FZD1: variants seen among roughly 807,000 people sequenced by gnomAD.
FZD1 encodes the protein frizzled-1.
In FZD1, 22 loss-of-function variants were observed where a neutral mutation model predicts 48.0. That is an observed-to-expected ratio of 0.46 (90% CI 0.33 to 0.65). The LOEUF (loss-of-function observed/expected upper bound fraction) is 0.65, where lower values mean the gene tolerates loss of function less well. FZD1 is among the 30% of genes least tolerant of loss of function. The pLI is 0.02. For synonymous variants in FZD1, 486 were observed against 409.6 expected (o/e 1.19, Z -2.25); for missense variants, 843 against 898.1 (o/e 0.94, Z 0.78).
At position 91,271,195 on chromosome 7, in the gene FZD1, A is replaced by T. The variant is rs1011529029; in HGVS notation, c.*4371A>T. On this transcript the variant is annotated 3_prime_UTR_variant, in exon 1 of 1. Coordinates refer to ENST00000287934, the MANE Select transcript of FZD1 (RefSeq NM_003505.2). ...ATCAATTATGTCTCAGAGTTCCCTTAAACTTTTTGGGCTTAAATATTTTTA... is the reference window on the plus strand; with the variant it reads ...ATCAATTATGTCTCAGAGTTCCCTTTAACTTTTTGGGCTTAAATATTTTTA... 1 of 167,088 alleles carries T rather than the reference A, an allele frequency of 6.0e-6. No homozygotes were observed. The highest frequency in any genetic ancestry group is 1.5e-5 in the Non-Finnish European group (1 of 68,120). The allele number at this position is 167,088 out of a possible 1,614,324, so 10.4% of individuals were successfully genotyped here. A position where few individuals can be genotyped will look rare whatever the true frequency, so the allele number is the denominator to read the frequency against.
At position 91,264,552 on chromosome 7, in the gene FZD1, C is replaced by T. The variant is rs1803833147; in HGVS notation, c.-329C>T. 2 of 352,984 alleles carry T rather than the reference C, an allele frequency of 5.7e-6. No individual in the cohort carries two copies. Among genetic ancestry groups the T allele is most frequent in the Non-Finnish European group, 1.0e-5 (2 of 196,142 alleles). 21.9% of individuals were successfully genotyped at this position (352,984 alleles called of 1,614,324 possible). On this transcript the variant is annotated 5_prime_UTR_variant, in exon 1 of 1. Coordinates refer to ENST00000287934, the MANE Select transcript of FZD1 (RefSeq NM_003505.2). ...GGGGGGAGCCGAGCCCGCTGGGCTGCGGAGAGTTGCGCTCTCTACGGGGCC... is the reference window on the plus strand; with the variant it reads ...GGGGGGAGCCGAGCCCGCTGGGCTGTGGAGAGTTGCGCTCTCTACGGGGCC...
In FZD1 at chr7:91,266,186, G is replaced by A. The variant is rs1323741534; in HGVS notation, c.1306G>A (p.Gly436Ser). 18 of 1,614,042 alleles carry A rather than the reference G, an allele frequency of 1.1e-5. No homozygotes were observed. Among genetic ancestry groups the A allele is most frequent in the Middle Eastern group, 1.6e-4 (1 of 6,084 alleles). ...TWFLAAGMKW[G>S]HEAIEANSQY... ...GTTCCTGGCGGCTGGCATGAAGTGG[G>A]GCCACGAGGCCATCGAAGCCAACTC... is the stretch of plus-strand genomic sequence containing the variant. Residue 436 changes from glycine to serine, a missense_variant, in exon 1 of 1, where the codon GGC (glycine) becomes AGC (serine). Around this residue, in one of 2 missense-constraint regions of FZD1, gnomAD observed 353 missense variants for 431.6 expected, o/e 0.82. Transcript: ENST00000287934. This position sits in a 1 kb window ranked among gnomAD's most constrained non-coding sequence, Gnocchi z 6.8.
At position 91,266,375 on chromosome 7, in the gene FZD1, C is replaced by T. The variant is rs1803880907; in HGVS notation, c.1495C>T (p.Leu499=). 2 of 1,614,172 alleles carry T rather than the reference C, an allele frequency of 1.2e-6. No individual in the cohort carries two copies. Among genetic ancestry groups the T allele is most frequent in the Non-Finnish European group, 8.5e-7 (1 of 1,180,032 alleles). ...CGTGCTGGCGCCCCTCTTCGTGTAC[C>T]TGTTTATCGGCACGTCCTTTCTGCT... ...GFVLAPLFVY[L]FIGTSFLLAG... is the part of the protein sequence containing the mutation. Residue 499 remains leucine (L), a synonymous_variant, in exon 1 of 1, where the codon CTG becomes TTG. Transcript: ENST00000287934. This position sits in a 1 kb window ranked among gnomAD's most constrained non-coding sequence, Gnocchi z 6.8.
rs778137101 is a variant in FZD1 at position 91,266,031 on chromosome 7, A to T, written c.1151A>T (p.Lys384Met). The T allele has an allele frequency of 6.2e-7, 1 of 1,614,176 alleles. No individual in the cohort carries two copies. Among genetic ancestry groups the T allele is most frequent in the South Asian group, 1.1e-5 (1 of 91,088 alleles). The change falls in exon 1 of 1, where the codon AAG (lysine) becomes ATG (methionine). Residue 384 changes from lysine (K) to methionine (M), a missense_variant. Lys to Met is a moderately conservative substitution (Grantham distance 95). Coordinates refer to ENST00000287934, the MANE Select transcript of FZD1 (RefSeq NM_003505.2). The surrounding 1 kb of genome is among the most constrained non-coding windows in gnomAD (Gnocchi z 6.8). ...LLEDRVVCNDKFAEDGARTVA... is the reference protein window; with the variant it reads ...LLEDRVVCNDMFAEDGARTVA... Reference sequence around the variant, plus strand: ...GAAGACCGAGTGGTGTGTAATGACAAGTTCGCCGAGGACGGGGCACGCACT... The same window carrying T: ...GAAGACCGAGTGGTGTGTAATGACATGTTCGCCGAGGACGGGGCACGCACT...
Position 91,265,805 on chromosome 7 carries a change from A to C in FZD1, c.925A>C (p.Met309Leu), listed in dbSNP as rs998933986. 1.8e-5 allele frequency: 29 copies of C among 1,613,476 alleles called. No individual in the cohort carries two copies. The highest frequency in any genetic ancestry group is 2.5e-5 in the Non-Finnish European group (29 of 1,179,650). The part of the protein sequence containing the change: ...PCEPTKVYGL[M>L]YFGPEELRFS... ...TGAGCCGACCAAGGTGTATGGGCTC[A>C]TGTACTTCGGGCCCGAGGAGCTGCG... Residue 309 changes from methionine (M) to leucine (L), a missense_variant, in exon 1 of 1, where the codon ATG becomes CTG. By Grantham distance (15) the Met-to-Leu change is conservative. This residue lies in a region of FZD1 where 490 missense variants were observed against 466.5 expected (regional missense o/e 1.05). Transcript: ENST00000287934. This position sits in a 1 kb window ranked among gnomAD's most constrained non-coding sequence, Gnocchi z 6.9.
chr7:91,264,824 C>G lies in FZD1; in HGVS notation c.-57C>G. Reference sequence around the variant, plus strand: ...TCCCTGGCCGCAGGGGGAGCCGCCGCCGGCCGTGCCCCTGGCAGCCCCAGC... The same window carrying G: ...TCCCTGGCCGCAGGGGGAGCCGCCGGCGGCCGTGCCCCTGGCAGCCCCAGC... On this transcript the variant is annotated 5_prime_UTR_variant, in exon 1 of 1. Coordinates refer to ENST00000287934, the MANE Select transcript of FZD1 (RefSeq NM_003505.2). 2.4e-6 allele frequency: 3 copies of G among 1,228,392 alleles called. No homozygotes were observed. The highest frequency in any genetic ancestry group is 1.0e-6 in the Non-Finnish European group (1 of 975,272). 76.1% of individuals were successfully genotyped at this position (1,228,392 alleles called of 1,614,324 possible). A position where few individuals can be genotyped will look rare whatever the true frequency, so the allele number is the denominator to read the frequency against.
Position 91,265,171 on chromosome 7 carries a change from G to A in FZD1, c.291G>A (p.Gln97=). The part of the protein sequence containing the change: ...QQPPPPPQQQ[Q]SGQQYNGERG... The stretch of plus-strand genomic sequence containing the variant: ...CGCCGCCGCCGCCTCAGCAGCAACA[G>A]AGCGGGCAGCAGTACAACGGCGAGC... Residue 97 remains glutamine (Q), a synonymous_variant, in exon 1 of 1, where the codon CAG becomes CAA. Transcript: ENST00000287934. The surrounding 1 kb of genome is among the most constrained non-coding windows in gnomAD (Gnocchi z 6.9). 1.2e-6 allele frequency: 2 copies of A among 1,611,614 alleles called. No homozygotes were observed. Among genetic ancestry groups the A allele is most frequent in the South Asian group, 1.1e-5 (1 of 90,996 alleles).
rs1233834095 is a variant in FZD1 at position 91,265,036 on chromosome 7, G to C, written c.156G>C (p.Ala52=). The C allele has an allele frequency of 7.1e-7, 1 of 1,402,360 alleles. No individual in the cohort carries two copies. Among genetic ancestry groups the C allele is most frequent in the Non-Finnish European group, 9.3e-7 (1 of 1,078,324 alleles). The allele number at this position is 1,402,360 out of a possible 1,614,324, so 86.9% of individuals were successfully genotyped here. A position where few individuals can be genotyped will look rare whatever the true frequency, so the allele number is the denominator to read the frequency against. ...CGCCAGTTGACCCCCGGCGATTGGC[G>C]CGCCAGCTGCTGCTGCTGCTTTGGC... ...RRPPVDPRRL[A]RQLLLLLWLL... The change falls in exon 1 of 1, where the codon GCG becomes GCC. Residue 52 remains alanine (A), a synonymous_variant. Coordinates refer to ENST00000287934, the MANE Select transcript of FZD1 (RefSeq NM_003505.2). This position sits in a 1 kb window ranked among gnomAD's most constrained non-coding sequence, Gnocchi z 6.9.
chr7:91,267,070 TG>T lies in FZD1; in HGVS notation c.*247del. 2.3e-6 allele frequency: 1 copy of T among 429,280 alleles called. No homozygotes were observed. The highest frequency in any genetic ancestry group is 4.3e-6 in the Non-Finnish European group (1 of 233,860). The allele number at this position is 429,280 out of a possible 1,614,324, so 26.6% of individuals were successfully genotyped here. A position where few individuals can be genotyped will look rare whatever the true frequency, so the allele number is the denominator to read the frequency against. ...TGCCCTCACACTCTGGTACCAGGAC[TG>T]TTCGCTTTTATGATTGTAAATAGCC... On this transcript the variant is annotated 3_prime_UTR_variant, in exon 1 of 1. Coordinates refer to ENST00000287934, the MANE Select transcript of FZD1 (RefSeq NM_003505.2).
rs538103743 is a variant in FZD1, at chr7:91,269,905, G to C, written c.*3081G>C. The C allele has an allele frequency of 6.0e-6, 1 of 167,142 alleles. No individual in the cohort carries two copies. Among genetic ancestry groups the C allele is most frequent in the African/African-American group, 2.4e-5 (1 of 41,550 alleles). 10.4% of individuals were successfully genotyped at this position (167,142 alleles called of 1,614,324 possible). On this transcript the variant is annotated 3_prime_UTR_variant, in exon 1 of 1. Transcript: ENST00000287934. ...GTCTTATTGGAGGTGTCCTTAACAT[G>C]ATGTAACTATAAATTTGATGCAGAA... is the stretch of plus-strand genomic sequence containing the variant.
Position 91,266,972 on chromosome 7 carries a change from C to T in FZD1, c.*148C>T. On this transcript the variant is annotated 3_prime_UTR_variant, in exon 1 of 1. Coordinates refer to ENST00000287934, the MANE Select transcript of FZD1 (RefSeq NM_003505.2). This position sits in a 1 kb window ranked among gnomAD's most constrained non-coding sequence, Gnocchi z 6.8. ...CAGGCTCCTTTGAACAACTCAGCTC[C>T]TGCAAAAGCTTCCGTCCCTGAGGCA... 1 of 607,204 alleles carries T rather than the reference C, an allele frequency of 1.6e-6. No homozygotes were observed. Among genetic ancestry groups the T allele is most frequent in the Non-Finnish European group, 3.0e-6 (1 of 337,646 alleles). The allele number at this position is 607,204 out of a possible 1,614,324, so 37.6% of individuals were successfully genotyped here.
In FZD1 at chr7:91,264,945, G is replaced by A. The variant is rs753069708; in HGVS notation, c.65G>A (p.Cys22Tyr). The change falls in exon 1 of 1, where the codon TGT (cysteine) becomes TAT (tyrosine). Residue 22 changes from cysteine to tyrosine, a missense_variant. Coordinates refer to ENST00000287934, the MANE Select transcript of FZD1 (RefSeq NM_003505.2). ...AAGGGASWEL[C>Y]AGALSARLAE... is the part of the protein sequence containing the mutation. ...GGCGGTGGCGCGAGCTGGGAACTTT[G>A]TGCCGGGGCGCTCTCGGCCCGGCTG... 1.5e-6 allele frequency: 2 copies of A among 1,350,002 alleles called. No individual in the cohort carries two copies. Among genetic ancestry groups the A allele is most frequent in the East Asian group, 6.0e-5 (2 of 33,402 alleles). The allele number at this position is 1,350,002 out of a possible 1,614,324, so 83.6% of individuals were successfully genotyped here. A position where few individuals can be genotyped will look rare whatever the true frequency, so the allele number is the denominator to read the frequency against.
At position 91,266,380 on chromosome 7, in the gene FZD1, T is replaced by G. The variant is rs200075522; in HGVS notation, c.1500T>G (p.Phe500Leu). ...TGGCGCCCCTCTTCGTGTACCTGTT[T>G]ATCGGCACGTCCTTTCTGCTGGCCG... ...FVLAPLFVYL[F>L]IGTSFLLAGF... The change falls in exon 1 of 1, where the codon TTT (phenylalanine) becomes TTG (leucine). Residue 500 changes from phenylalanine to leucine, a missense_variant. Physicochemically the swap from Phe to Leu is conservative, Grantham distance 22. Transcript: ENST00000287934. The surrounding 1 kb of genome is among the most constrained non-coding windows in gnomAD (Gnocchi z 6.8). The G allele has an allele frequency of 6.2e-7, 1 of 1,614,130 alleles. No individual in the cohort carries two copies. The highest frequency in any genetic ancestry group is 8.5e-7 in the Non-Finnish European group (1 of 1,180,022).
rs1803903210 is a variant in FZD1 at position 91,267,428 on chromosome 7, C to G, written c.*604C>G. On this transcript the variant is annotated 3_prime_UTR_variant, in exon 1 of 1. Transcript: ENST00000287934. The stretch of plus-strand genomic sequence containing the variant: ...CCCTCCCCCTCCTTCTGTCCCCTCC[C>G]TTTCTTTCCTGGCTTGAGGTAGGGG... 1 of 167,642 alleles carries G rather than the reference C, an allele frequency of 6.0e-6. No individual in the cohort carries two copies. The highest frequency in any genetic ancestry group is 6.5e-5 in the Admixed American group (1 of 15,296). The allele number at this position is 167,642 out of a possible 1,614,324, so 10.4% of individuals were successfully genotyped here.
rs1274449796 is a variant in FZD1, at chr7:91,266,130, C to A, written c.1250C>A (p.Ser417Tyr). The A allele has an allele frequency of 6.2e-7, 1 of 1,614,220 alleles. No homozygotes were observed. Among genetic ancestry groups the A allele is most frequent in the Admixed American group, 1.7e-5 (1 of 60,034 alleles). Residue 417 changes from serine (S) to tyrosine (Y), a missense_variant, in exon 1 of 1, where the codon TCC (serine) becomes TAC (tyrosine). Coordinates refer to ENST00000287934, the MANE Select transcript of FZD1 (RefSeq NM_003505.2). The surrounding 1 kb of genome is among the most constrained non-coding windows in gnomAD (Gnocchi z 6.8). ...MMLYFFSMAS[S>Y]IWWVILSLTW... ...CTCTACTTCTTCAGCATGGCCAGCTCCATCTGGTGGGTGATCCTGTCGCTC... is the reference window on the plus strand; with the variant it reads ...CTCTACTTCTTCAGCATGGCCAGCTACATCTGGTGGGTGATCCTGTCGCTC...
rs867435835 is a variant in FZD1 at position 91,270,106 on chromosome 7, C to A, written c.*3282C>A. 6.0e-6 allele frequency: 1 copy of A among 167,020 alleles called. No individual in the cohort carries two copies. The highest frequency in any genetic ancestry group is 1.5e-5 in the Non-Finnish European group (1 of 68,106). 10.3% of individuals were successfully genotyped at this position (167,020 alleles called of 1,614,324 possible). A position where few individuals can be genotyped will look rare whatever the true frequency, so the allele number is the denominator to read the frequency against. ...ACGTGTCTGGAAAACCATAAGGCTA[C>A]TTGGGATACTGTCCCATTAGCATTG... On this transcript the variant is annotated 3_prime_UTR_variant, in exon 1 of 1. Coordinates refer to ENST00000287934, the MANE Select transcript of FZD1 (RefSeq NM_003505.2).
Position 91,265,044 on chromosome 7 carries a change from T to A in FZD1, c.164T>A (p.Leu55Gln). The change falls in exon 1 of 1, where the codon CTG (leucine) becomes CAG (glutamine). Residue 55 changes from leucine to glutamine, a missense_variant. Transcript: ENST00000287934. The surrounding 1 kb of genome is among the most constrained non-coding windows in gnomAD (Gnocchi z 6.9). ...PVDPRRLARQ[L>Q]LLLLWLLEAP... ...GACCCCCGGCGATTGGCGCGCCAGCTGCTGCTGCTGCTTTGGCTGCTGGAG... is the reference window on the plus strand; with the variant it reads ...GACCCCCGGCGATTGGCGCGCCAGCAGCTGCTGCTGCTTTGGCTGCTGGAG... The A allele has an allele frequency of 2.9e-6, 4 of 1,367,654 alleles. No homozygotes were observed. Among genetic ancestry groups the A allele is most frequent in the Non-Finnish European group, 3.8e-6 (4 of 1,055,262 alleles). The allele number at this position is 1,367,654 out of a possible 1,614,324, so 84.7% of individuals were successfully genotyped here.
chr7:91,270,128 A>AT lies in FZD1; in HGVS notation c.*3306dup, dbSNP rs1302511090. ...CTACTTGGGATACTGTCCCATTAGC[A>AT]TTGCTGTTTCCATGACAAACCCTAT... On this transcript the variant is annotated 3_prime_UTR_variant, in exon 1 of 1. Coordinates refer to ENST00000287934, the MANE Select transcript of FZD1 (RefSeq NM_003505.2). 1 of 166,946 alleles carries AT rather than the reference A, an allele frequency of 6.0e-6. No individual in the cohort carries two copies. The highest frequency in any genetic ancestry group is 6.5e-5 in the Admixed American group (1 of 15,276). The allele number at this position is 166,946 out of a possible 1,614,324, so 10.3% of individuals were successfully genotyped here. A position where few individuals can be genotyped will look rare whatever the true frequency, so the allele number is the denominator to read the frequency against.
chr7:91,265,489 C>T lies in FZD1; in HGVS notation c.609C>T (p.Asn203=), dbSNP rs148076270. 3.1e-6 allele frequency: 5 copies of T among 1,612,908 alleles called. No individual in the cohort carries two copies. In the African/African-American group the frequency reaches 6.7e-5, roughly 22 times the overall value. Residue 203 remains asparagine, a synonymous_variant, in exon 1 of 1, where the codon AAC becomes AAT. Transcript: ENST00000287934. This position sits in a 1 kb window ranked among gnomAD's most constrained non-coding sequence, Gnocchi z 6.9. ...GCCAGGGCTGCGAGGCGCTCATGAA[C>T]AAGTTCGGCTTCCAGTGGCCAGACA... The part of the protein sequence containing the change: ...RARQGCEALM[N]KFGFQWPDTL...
Sources: allele counts gnomAD v4.1 joint callset, GRCh38; gene constraint gnomAD v4.1.1; regional missense constraint gnomAD v4.1.1; non-coding constraint Gnocchi (gnomAD v3.1); transcripts MANE v1.5; gene names NCBI Gene and HGNC (gene_info 2026-07-23, HGNC 2026-07-21).